Variants in EIF4ENIF1 observed in about 807,000 individuals in gnomAD.
The protein encoded by EIF4ENIF1 is eukaryotic translation initiation factor 4E transporter.
In EIF4ENIF1, 23 loss-of-function variants were observed where a neutral mutation model predicts 110.5. The ratio of observed to expected loss-of-function variants is 0.21; its 90% CI spans 0.15 to 0.29. The LOEUF (loss-of-function observed/expected upper bound fraction) is 0.29. Among genes scored for constraint, EIF4ENIF1 ranks in the 10% least tolerant of loss-of-function variants. EIF4ENIF1 has a pLI of 1.00. For synonymous variants in EIF4ENIF1, 440 were observed against 437.0 expected (o/e 1.01, Z -0.09); for missense variants, 1,031 against 1,221.1 (o/e 0.84, Z 2.32).
intron 10 of EIF4ENIF1, among the ~76,000 whole-genome samples, chr22:31,453,673 C>T (rs2050739944): frequency 6.6e-6 from 1 of 152,072 alleles, no homozygotes; most frequent in African/African-American, 2.4e-5. Flanking sequence ...GTGCTCAGCC[C>T]CATCTTAGAT....
chr22:31,447,704 T>C, intron 13 of EIF4ENIF1, 139 bp from the exon 14 acceptor site: 1 of 909,144 alleles, frequency 1.1e-6, no homozygotes, highest in Non-Finnish European at 1.6e-6. Context: ...TAGATTGTGC[T>C]GCCATCGCAG....
rs771597260 is a variant in EIF4ENIF1 at position 31,441,550 on chromosome 22, G to GAAAAAAAAAAAAAAAAAAAAA, written c.2551+203_2551+223dup. On this transcript the variant is annotated intron_variant, in intron 17 of 18. Transcript: ENST00000330125. Reference sequence around the variant, plus strand: ...GTGAGACTTCTGTCTCTACAAAAAGGAAAAAAAAAAAAAAAAAAAAAAAGA... The same window carrying GAAAAAAAAAAAAAAAAAAAAA: ...GTGAGACTTCTGTCTCTACAAAAAGGAAAAAAAAAAAAAAAAAAAAAAAAAAAAAAAAAAAAAAAAAAAAGA... Among the ~76,000 whole-genome samples the GAAAAAAAAAAAAAAAAAAAAA allele has an allele frequency of 3.8e-4, 25 of 65,246 alleles. 1 individual carries two copies. Among genetic ancestry groups the GAAAAAAAAAAAAAAAAAAAAA allele is most frequent in the African/African-American group, 1.3e-3 (22 of 16,988 alleles). The allele number at this position is 65,246 out of a possible 152,430, so 42.8% of individuals were successfully genotyped here. A position where few individuals can be genotyped will look rare whatever the true frequency, so the allele number is the denominator to read the frequency against.
chr22:31,473,351 T>G (rs1002637763), intron 2 of EIF4ENIF1, among the ~76,000 whole-genome samples: 5 of 152,240 alleles, frequency 3.3e-5, no homozygotes, highest in African/African-American at 1.2e-4. Flanking sequence ...AACTGCCAGT[T>G]TTTTTTATAA....
chr22:31,490,962 T>G (rs2052257087), upstream of EIF4ENIF1, among the ~76,000 whole-genome samples: 1 of 152,228 alleles, frequency 6.6e-6, no homozygotes, highest in African/African-American at 2.4e-5. Context: ...TCCCTTCTTG[T>G]GAATCTTGGC....
chr22:31,491,055 C>G (rs1347739079), upstream of EIF4ENIF1, among the ~76,000 whole-genome samples: 1 of 152,140 alleles, frequency 6.6e-6, no homozygotes, highest in African/African-American at 2.4e-5. Context: ...CAGAGGGAAA[C>G]ACTTGCACAT....
chr22:31,464,119 G>C, intron 4 of EIF4ENIF1, 152 bp from the exon 5 acceptor site: 1 of 866,682 alleles, frequency 1.2e-6, no homozygotes, highest in Non-Finnish European at 1.7e-6. Context: ...AGGGTAACAT[G>C]TACATTATGT....
chr22:31,479,136 A>G (rs1464083751), intron 2 of EIF4ENIF1, among the ~76,000 whole-genome samples: 2 of 149,268 alleles, frequency 1.3e-5, no homozygotes, highest in Non-Finnish European at 3.0e-5. Context: ...AGGCGATCTC[A>G]GCTCACTGCA....
chr22:31,447,684 C>T lies in EIF4ENIF1; in HGVS notation c.1849-119G>A, dbSNP rs1354893121. 1.3e-5 allele frequency: 14 copies of T among 1,064,788 alleles called. No individual in the cohort carries two copies. In the Admixed American group the frequency reaches 1.6e-4, roughly 12 times the overall value. The allele number at this position is 1,064,788 out of a possible 1,614,324, so 66.0% of individuals were successfully genotyped here. ...AGAAGCTGAAAAAAATTAGATACTGCGAAACTGACTAGATTGTGCTGCCAT... is the reference window on the plus strand; with the variant it reads ...AGAAGCTGAAAAAAATTAGATACTGTGAAACTGACTAGATTGTGCTGCCAT... On this transcript the variant is annotated intron_variant, in intron 13 of 18. Transcript: ENST00000330125.
Position 31,443,086 on chromosome 22 carries a change from A to C in EIF4ENIF1, c.2082T>G (p.Pro694=). 6.2e-7 allele frequency: 1 copy of C among 1,613,956 alleles called. No homozygotes were observed. Among genetic ancestry groups the C allele is most frequent in the Non-Finnish European group, 8.5e-7 (1 of 1,179,992 alleles). Residue 694 remains proline, a synonymous_variant, in exon 16 of 19, where the codon CCT becomes CCG. Transcript: ENST00000330125. The part of the protein sequence containing the change: ...PAASITSMLS[P]SFTPTSVIRK... ...GAATCACTGAGGTAGGGGTAAAGGA[A>C]GGAGAAAGCTGCAGAGAAAAACAAT...
rs768750781 is a variant in EIF4ENIF1 at position 31,458,622 on chromosome 22, G to C, written c.816C>G (p.Ala272=). The change falls in exon 7 of 19, where the codon GCC becomes GCG. Residue 272 remains alanine (A), a synonymous_variant. Coordinates refer to ENST00000330125, the MANE Select transcript of EIF4ENIF1 (RefSeq NM_019843.4). ...GGATGACCTCCACTTCATCCTCTTC[G>C]GCCACTCCTCCATTGCACTCTACTA... ...EGIVECNGGV[A]EEDEVEVILA... 1 of 1,608,344 alleles carries C rather than the reference G, an allele frequency of 6.2e-7. No individual in the cohort carries two copies. The highest frequency in any genetic ancestry group is 8.5e-7 in the Non-Finnish European group (1 of 1,177,364).
At chr22:31,441,550 G>GAAAAAAAAAAAAAA (rs771597260) in intron 17 of EIF4ENIF1, among the ~76,000 whole-genome samples, 22 of 65,248 alleles carry the variant, frequency 3.4e-4, no homozygotes, top group African/African-American at 1.1e-3. Flanking sequence ...CTACAAAAAG[G>GAAAAAAAAAAAAAA]AAAAAAAAAA....
At chr22:31,452,040 C>A (rs1052308109) in intron 10 of EIF4ENIF1, among the ~76,000 whole-genome samples, 5 of 152,184 alleles carry the variant, frequency 3.3e-5, no homozygotes, top group African/African-American at 4.8e-5. Context: ...GAGTCATTTA[C>A]TTCCATCTAA....
At chr22:31,467,851 G>C (rs937317165) in intron 4 of EIF4ENIF1, among the ~76,000 whole-genome samples, 1 of 152,042 alleles carries the variant, frequency 6.6e-6, no homozygotes, top group Non-Finnish European at 1.5e-5. Flanking sequence ...CGGAGGACTG[G>C]TCTCACATAT....
chr22:31,446,518 C>T (rs764241910), intron 14 of EIF4ENIF1, among the ~76,000 whole-genome samples: 2 of 152,074 alleles, frequency 1.3e-5, no homozygotes, highest in Non-Finnish European at 2.9e-5. Context: ...AAGCAAAACA[C>T]TGAGGCACTG....
intron 2 of EIF4ENIF1, among the ~76,000 whole-genome samples, chr22:31,481,664 G>A (rs2051820843): frequency 6.6e-6 from 1 of 152,094 alleles, no homozygotes; most frequent in Admixed American, 6.6e-5. Flanking sequence ...CAAGTCTTCT[G>A]ATTATATCCA....
chr22:31,459,752 A>ATGTTTTTTATT (rs1601597910), intron 6 of EIF4ENIF1, among the ~76,000 whole-genome samples: 1 of 151,702 alleles, frequency 6.6e-6, no homozygotes, highest in South Asian at 2.1e-4. Context: ...TTAGTTTTTA[A>ATGTTTTTTATT]TGTTTTTATT....
intron 4 of EIF4ENIF1, among the ~76,000 whole-genome samples, chr22:31,465,577 C>T (rs192470746): frequency 6.8e-4 from 103 of 152,298 alleles, no homozygotes; most frequent in South Asian, 3.9e-3. Flanking sequence ...CTGGTGGAAA[C>T]GTAAAATGGT....
rs374521433 is a variant in EIF4ENIF1 at position 31,455,857 on chromosome 22, A to G, written c.1094T>C (p.Leu365Pro). Residue 365 changes from leucine (L) to proline (P), a missense_variant, in exon 8 of 19, where the codon CTT (leucine) becomes CCT (proline). Physicochemically the swap from Leu to Pro is moderately conservative, Grantham distance 98. Coordinates refer to ENST00000330125, the MANE Select transcript of EIF4ENIF1 (RefSeq NM_019843.4). ...AGAATCTGAAGCCATTTTACCTGCA[A>G]GTCTCTCTAGCTCTTCATGTGGTGT... ...GSTPHEELER[L>P]AGLEQAILSP... 10 of 1,613,996 alleles carry G rather than the reference A, an allele frequency of 6.2e-6. No homozygotes were observed. The South Asian group carries it at 1.1e-4, about 18-fold the overall frequency.
At chr22:31,458,159 C>T (rs942102383) in intron 7 of EIF4ENIF1, among the ~76,000 whole-genome samples, 2 of 150,554 alleles carry the variant, frequency 1.3e-5, no homozygotes, top group African/African-American at 4.9e-5. Flanking sequence ...ACCCAGGAGA[C>T]GGAGGTTGCA....
Sources: allele counts gnomAD v4.1 joint callset (sites outside exome capture counted in the v4.1 genomes callset), GRCh38; gene constraint gnomAD v4.1.1; transcripts MANE v1.5; gene names NCBI Gene and HGNC (gene_info 2026-07-23, HGNC 2026-07-21).